HS3ST5: variants seen among roughly 807,000 people sequenced by gnomAD.
The protein encoded by HS3ST5 is heparan sulfate glucosamine 3-O-sulfotransferase 5.
HS3ST5 carries 10 observed loss-of-function variants against 25.4 expected under a neutral mutation model. The ratio of observed to expected loss-of-function variants is 0.39; its 90% confidence interval spans 0.24 to 0.67. The LOEUF is 0.67. HS3ST5 is among the 30% of genes least tolerant of loss of function. HS3ST5 has a pLI of 0.44. For synonymous variants in HS3ST5, 170 were observed against 162.4 expected, an observed-to-expected ratio of 1.05 and a Z score of -0.36; for missense variants, 324 against 420.7, an observed-to-expected ratio of 0.77 and a Z score of 2.01.
At position 114,342,981 on chromosome 6, in the gene HS3ST5, G is replaced by T; in HGVS notation, c.-1125C>A. 1 of 152,570 alleles carries T rather than the reference G, an allele frequency of 6.6e-6. No individual in the cohort carries two copies. Among genetic ancestry groups the T allele is most frequent in the Non-Finnish European group, 1.5e-5 (1 of 68,296 alleles). The allele number at this position is 152,570 out of a possible 1,614,324, so 9.5% of individuals were successfully genotyped here. On this transcript the variant is annotated 5_prime_UTR_variant, in exon 1 of 5. Transcript: ENST00000312719. Reference sequence around the variant, plus strand: ...CGAATCTCTTCCCCTCCATCACTTGGGCGCGCAGGAGGGACCGGGTCCCTG... The same window carrying T: ...CGAATCTCTTCCCCTCCATCACTTGTGCGCGCAGGAGGGACCGGGTCCCTG...
chr6:114,103,857 A>ATTTTTTTT (rs71553394), intron 3 of HS3ST5, among the ~76,000 whole-genome samples: 7,230 of 106,764 alleles, frequency 0.068, 419 homozygotes, highest in East Asian at 0.1. Flanking sequence ...CACCTGGCTA[A>ATTTTTTTT]TTTTTTTTTT....
chr6:114,246,188 AG>A (rs1300613585), intron 1 of HS3ST5, among the ~76,000 whole-genome samples: 2 of 152,250 alleles, frequency 1.3e-5, no homozygotes, highest in Non-Finnish European at 2.9e-5. Flanking sequence ...ATAACATTGT[AG>A]GAACAGTGCT....
At chr6:114,195,634 GATA>G (rs1780702741) in intron 2 of HS3ST5, among the ~76,000 whole-genome samples, 1 of 152,140 alleles carries the variant, frequency 6.6e-6, no homozygotes, top group Non-Finnish European at 1.5e-5. Context: ...GGGCAGAACT[GATA>G]ATATCATTTG....
intron 3 of HS3ST5, among the ~76,000 whole-genome samples, chr6:114,097,962 T>G (rs1340251872): frequency 1.3e-5 from 2 of 151,976 alleles, no homozygotes; most frequent in Non-Finnish European, 2.9e-5. Flanking sequence ...TTCTTTTTCT[T>G]CTCTACAATC....
At chr6:114,119,201 G>T (rs982330588) in intron 3 of HS3ST5, among the ~76,000 whole-genome samples, 5 of 152,174 alleles carry the variant, frequency 3.3e-5, no homozygotes, top group Non-Finnish European at 7.3e-5. Context: ...CCTGAGGGAC[G>T]ATAAACAAGA....
intron 1 of HS3ST5, among the ~76,000 whole-genome samples, chr6:114,248,552 A>C (rs1772494373): frequency 6.6e-6 from 1 of 152,188 alleles, no homozygotes; most frequent in Non-Finnish European, 1.5e-5. Flanking sequence ...CCAGACAGTC[A>C]TGGGCACCAG....
intron 2 of HS3ST5, among the ~76,000 whole-genome samples, chr6:114,169,292 A>AAC (rs367564397): frequency 0.018 from 2,718 of 150,984 alleles, 42 homozygotes; most frequent in African/African-American, 0.042. Flanking sequence ...TTTAGGGTAC[A>AAC]ACACACACAC....
intron 1 of HS3ST5, among the ~76,000 whole-genome samples, chr6:114,287,388 A>G (rs1774384520): frequency 6.6e-6 from 1 of 151,962 alleles, no homozygotes; most frequent in Non-Finnish European, 1.5e-5. Flanking sequence ...GTAAGTGGAA[A>G]AACTGGGATT....
chr6:114,294,666 C>T (rs1186348866), intron 1 of HS3ST5, among the ~76,000 whole-genome samples: 1 of 152,022 alleles, frequency 6.6e-6, no homozygotes, highest in African/African-American at 2.4e-5. Flanking sequence ...ATCTCCTGAC[C>T]TCGTGATCTG....
At chr6:114,103,949 T>C (rs1036727057) in intron 3 of HS3ST5, among the ~76,000 whole-genome samples, 1 of 149,976 alleles carries the variant, frequency 6.7e-6, no homozygotes, top group African/African-American at 2.5e-5. Flanking sequence ...GATCCGCCCA[T>C]CTCGGCCTCC....
chr6:114,093,523 C>T (rs1316092014), intron 3 of HS3ST5, among the ~76,000 whole-genome samples: 4 of 152,054 alleles, frequency 2.6e-5, no homozygotes, highest in East Asian at 1.9e-4. Context: ...CTGTTCATTT[C>T]GCCTACCTTC....
At chr6:114,238,340 G>C (rs530525367) in intron 1 of HS3ST5, among the ~76,000 whole-genome samples, 1 of 152,290 alleles carries the variant, frequency 6.6e-6, no homozygotes, top group African/African-American at 2.4e-5. Context: ...AACTTCTGGT[G>C]GTTTGGCCAA....
At chr6:114,148,305 G>C (rs1480142877) in intron 3 of HS3ST5, among the ~76,000 whole-genome samples, 1 of 152,106 alleles carries the variant, frequency 6.6e-6, no homozygotes, top group South Asian at 2.1e-4. Flanking sequence ...AAGACTTAAT[G>C]TAAAACCCCA....
At chr6:114,252,285 T>C (rs1018647698) in intron 1 of HS3ST5, among the ~76,000 whole-genome samples, 3 of 152,202 alleles carry the variant, frequency 2.0e-5, no homozygotes, top group Non-Finnish European at 4.4e-5. Flanking sequence ...TTCAATTCTG[T>C]ACGAATTTAG....
At chr6:114,282,275 C>A (rs888934646) in intron 1 of HS3ST5, among the ~76,000 whole-genome samples, 1 of 151,990 alleles carries the variant, frequency 6.6e-6, no homozygotes, top group Non-Finnish European at 1.5e-5. Context: ...CCGCTGGCAT[C>A]TTTGCATCTT....
At chr6:114,184,691 G>A (rs1379560172) in intron 2 of HS3ST5, among the ~76,000 whole-genome samples, 6 of 152,336 alleles carry the variant, frequency 3.9e-5, no homozygotes, top group South Asian at 2.1e-4. Context: ...ATCTCTGTCC[G>A]AAGCTGTGGA....
intron 1 of HS3ST5, among the ~76,000 whole-genome samples, chr6:114,313,075 G>A (rs899754943): frequency 2.4e-5 from 3 of 125,660 alleles, no homozygotes; most frequent in South Asian, 2.8e-4. Flanking sequence ...ATACACTCAC[G>A]GCCAATAAAT....
chr6:114,061,946 CA>C (rs892464975), intron 4 of HS3ST5, among the ~76,000 whole-genome samples: 28 of 150,372 alleles, frequency 1.9e-4, no homozygotes, highest in African/African-American at 3.9e-4. Flanking sequence ...AACTCCATCT[CA>C]AAAAAAAAAT....
intron 1 of HS3ST5, among the ~76,000 whole-genome samples, chr6:114,329,910 G>C (rs918432782): frequency 6.6e-6 from 1 of 152,080 alleles, no homozygotes; most frequent in African/African-American, 2.4e-5. Context: ...CAGGAAGAAA[G>C]AAAAAAGTTT....
Sources: allele counts gnomAD v4.1 joint callset (sites outside exome capture counted in the v4.1 genomes callset), GRCh38; gene constraint gnomAD v4.1.1; transcripts MANE v1.5; gene names NCBI Gene and HGNC (gene_info 2026-07-23, HGNC 2026-07-21).